The following ALK variants were observed in gnomAD, a reference collection of about 807,000 sequenced individuals.
ALK encodes ALK receptor tyrosine kinase, also known as ALK tyrosine kinase receptor.
A neutral mutation model predicts 163.1 loss-of-function variants in ALK; 74 were observed. The observed-to-expected ratio is 0.45, with a 90% CI of 0.38 to 0.55. The LOEUF is 0.55. Among genes scored for constraint, ALK ranks in the 20% least tolerant of loss-of-function variants. ALK has a pLI of 0.00. For synonymous variants in ALK, 960 were observed against 843.2 expected (o/e 1.14, Z -2.40); for missense variants, 2,063 against 2,105.3 (o/e 0.98, Z 0.39).
intron 1 of ALK, among the ~76,000 whole-genome samples, chr2:29,886,127 T>C (rs1033398310): frequency 1.3e-5 from 2 of 152,252 alleles, no homozygotes; most frequent in African/African-American, 4.8e-5. Context: ...GTATTTTCTC[T>C]TTTTTATAGT....
intron 2 of ALK, among the ~76,000 whole-genome samples, chr2:29,706,888 G>T (rs1678924912): frequency 1.3e-5 from 2 of 152,004 alleles, no homozygotes; most frequent in Admixed American, 1.3e-4. Flanking sequence ...CCTAGGGCTT[G>T]GAGCAGTAAG....
chr2:29,298,176 C>T (rs1666255378), intron 8 of ALK, among the ~76,000 whole-genome samples: 1 of 152,172 alleles, frequency 6.6e-6, no homozygotes, highest in Non-Finnish European at 1.5e-5. Flanking sequence ...CATTGGGGCC[C>T]CCAGGGACTG....
At chr2:29,762,470 G>A (rs959268277) in intron 1 of ALK, among the ~76,000 whole-genome samples, 3 of 152,126 alleles carry the variant, frequency 2.0e-5, no homozygotes, top group Non-Finnish European at 4.4e-5. Context: ...CAGTCTCCCC[G>A]TGAGTATATA....
At chr2:29,218,247 A>T (rs1461304798) in intron 23 of ALK, among the ~76,000 whole-genome samples, 1 of 152,190 alleles carries the variant, frequency 6.6e-6, no homozygotes, top group Admixed American at 6.5e-5. Context: ...AACGAGAGCC[A>T]CACAGAGGAA....
In ALK at chr2:29,226,965, A is replaced by G; in HGVS notation, c.3024T>C (p.Cys1008=). ...DPESHKVICF[C]DHGTVLAEDG... ...CCTCAGCCAGCACCGTCCCGTGGTC[A>G]CAGAAGCAGATGACCTTGTGGCTTT... Residue 1008 remains cysteine (C), a synonymous_variant, in exon 18 of 29, where the codon TGT becomes TGC. Coordinates refer to ENST00000389048, the MANE Select transcript of ALK (RefSeq NM_004304.5). The G allele has an allele frequency of 1.9e-6, 3 of 1,614,214 alleles. No homozygotes were observed. The highest frequency in any genetic ancestry group is 2.5e-6 in the Non-Finnish European group (3 of 1,180,038).
At chr2:29,571,094 G>T (rs1431245650) in intron 3 of ALK, among the ~76,000 whole-genome samples, 1 of 152,072 alleles carries the variant, frequency 6.6e-6, no homozygotes, top group East Asian at 1.9e-4. Context: ...ATAGTGGAGG[G>T]GGCACCTTAC....
chr2:29,283,497 C>T (rs1036110012), intron 9 of ALK, among the ~76,000 whole-genome samples: 2 of 152,132 alleles, frequency 1.3e-5, no homozygotes, highest in African/African-American at 4.8e-5. Flanking sequence ...GAGATGGCAG[C>T]ACTGACAATG....
chr2:29,472,849 G>A (rs1322164090), intron 4 of ALK, among the ~76,000 whole-genome samples: 2 of 139,642 alleles, frequency 1.4e-5, no homozygotes, highest in Non-Finnish European at 3.2e-5. Context: ...CAATTACCTG[G>A]AGAAATTAAA....
chr2:29,892,807 A>G (rs1247628291), intron 1 of ALK, among the ~76,000 whole-genome samples: 4 of 152,214 alleles, frequency 2.6e-5, no homozygotes, highest in Admixed American at 6.5e-5. Context: ...CCAACTGTGT[A>G]TAATACTTCT....
intron 1 of ALK, among the ~76,000 whole-genome samples, chr2:29,774,025 C>A (rs968814905): frequency 7.2e-5 from 11 of 152,234 alleles, no homozygotes; most frequent in African/African-American, 2.7e-4. Flanking sequence ...CCCATCGATG[C>A]TCAGAGCTGT....
intron 5 of ALK, among the ~76,000 whole-genome samples, chr2:29,337,935 C>T (rs1257410638): frequency 1.3e-5 from 2 of 152,168 alleles, no homozygotes; most frequent in African/African-American, 4.8e-5. Context: ...GCTGACATAG[C>T]TTGCAGTTTT....
At chr2:29,403,258 C>T (rs1194785357) in intron 4 of ALK, among the ~76,000 whole-genome samples, 1 of 152,166 alleles carries the variant, frequency 6.6e-6, no homozygotes, top group African/African-American at 2.4e-5. Flanking sequence ...TCCTTTGGCA[C>T]TTTTATCTGA....
intron 4 of ALK, among the ~76,000 whole-genome samples, chr2:29,418,372 G>A (rs964081108): frequency 6.6e-6 from 1 of 152,156 alleles, no homozygotes; most frequent in African/African-American, 2.4e-5. Context: ...TACAATTAAG[G>A]AGTCCAGAGG....
At chr2:29,733,942 A>G (rs942897762) in intron 1 of ALK, among the ~76,000 whole-genome samples, 4 of 152,172 alleles carry the variant, frequency 2.6e-5, no homozygotes, top group Non-Finnish European at 4.4e-5. Context: ...ACCACCACTG[A>G]TCAACATCAG....
intron 12 of ALK, among the ~76,000 whole-genome samples, chr2:29,248,301 C>A (rs1015550649): frequency 1.3e-5 from 2 of 152,098 alleles, no homozygotes; most frequent in African/African-American, 4.8e-5. Context: ...CATGGTGAAA[C>A]CCCGTCTCTA....
chr2:29,689,403 G>C (rs1489615410), intron 3 of ALK, among the ~76,000 whole-genome samples: 1 of 152,180 alleles, frequency 6.6e-6, no homozygotes, highest in African/African-American at 2.4e-5. Flanking sequence ...AGGTGACTCA[G>C]GTCCCTGCTA....
intron 1 of ALK, among the ~76,000 whole-genome samples, chr2:29,887,928 G>C (rs1005374105): frequency 6.6e-6 from 1 of 152,148 alleles, no homozygotes; most frequent in African/African-American, 2.4e-5. Context: ...GATTTCACAA[G>C]AGAACCTAAA....
chr2:29,324,788 T>A lies in ALK; in HGVS notation c.1414+3562A>T, dbSNP rs78120946. Among the ~76,000 whole-genome samples, 964 of 152,320 alleles carry A rather than the reference T, an allele frequency of 6.3e-3. 9 individuals are homozygous for A. The highest frequency in any genetic ancestry group is 0.011 in the Non-Finnish European group (760 of 68,030). On this transcript the variant is annotated intron_variant, in intron 6 of 28. Coordinates refer to ENST00000389048, the MANE Select transcript of ALK (RefSeq NM_004304.5). Reference sequence around the variant, plus strand: ...GGGATGTCTCACTTGGATTTGGCGATGTTTAATTAGAAATGCAGGAGTGGC... The same window carrying A: ...GGGATGTCTCACTTGGATTTGGCGAAGTTTAATTAGAAATGCAGGAGTGGC...
intron 3 of ALK, among the ~76,000 whole-genome samples, chr2:29,600,791 A>T (rs1271430450): frequency 6.6e-6 from 1 of 152,122 alleles, no homozygotes; most frequent in Non-Finnish European, 1.5e-5. Context: ...ACAGTAGAAG[A>T]GGTATGGTGT....
Sources: allele counts gnomAD v4.1 joint callset (sites outside exome capture counted in the v4.1 genomes callset), GRCh38; gene constraint gnomAD v4.1.1; transcripts MANE v1.5; gene names NCBI Gene and HGNC (gene_info 2026-07-23, HGNC 2026-07-21).